Variants in INSRR observed in about 807,000 individuals in gnomAD.
INSRR encodes insulin receptor-related protein.
A neutral mutation model predicts 130.0 loss-of-function variants in INSRR; 114 were observed. That is an observed-to-expected ratio of 0.88 (90% CI 0.75 to 1.02). The LOEUF (loss-of-function observed/expected upper bound fraction) is 1.02. Among genes scored for constraint, INSRR ranks in the 50% least tolerant of loss-of-function variants. INSRR has a pLI of 0.00. For missense variants in INSRR, 1,657 were observed against 1,735.2 expected, an observed-to-expected ratio of 0.95 and a Z score of 0.80; for synonymous variants, 674 against 705.2, an observed-to-expected ratio of 0.96 and a Z score of 0.70.
At position 156,843,428 on chromosome 1, in the gene INSRR, A is replaced by C. The variant is rs539556275; in HGVS notation, c.2895T>G (p.Asp965Glu). 1.1e-5 allele frequency: 18 copies of C among 1,613,912 alleles called. No homozygotes were observed. Among genetic ancestry groups the C allele is most frequent in the Non-Finnish European group, 1.5e-5 (18 of 1,179,930 alleles). ...SVNPEYFSAS[D>E]MYVPDEWEVP... ...CTGTCCACCCACTCCCAGACCTACT[A>C]TCAGAGGCGCTGAAGTACTCTGGAT... Residue 965 changes from aspartate (D) to glutamate (E), a missense_variant and splice_region_variant, in exon 16 of 22, where the codon GAT (aspartate) becomes GAG (glutamate). Coordinates refer to ENST00000368195, the MANE Select transcript of INSRR (RefSeq NM_014215.3).
rs761108622 is a variant in INSRR, at chr1:156,846,088, C to A, written c.1842G>T (p.Thr614=). The change falls in exon 9 of 22, where the codon ACG becomes ACT. Residue 614 remains threonine, a synonymous_variant. Coordinates refer to ENST00000368195, the MANE Select transcript of INSRR (RefSeq NM_014215.3). ...APTVPQDVIS[T]SNSSSHLLVR... The stretch of plus-strand genomic sequence containing the variant: ...CCAGGAGGTGGGAGGAGGAGTTGGA[C>A]GTGGAGATGACGTCTTGGGGCACCG... 3 of 1,608,668 alleles carry A rather than the reference C, an allele frequency of 1.9e-6. No individual in the cohort carries two copies. The highest frequency in any genetic ancestry group is 2.5e-6 in the Non-Finnish European group (3 of 1,177,060).
intron 5 of INSRR, 97 bp downstream of exon 5, chr1:156,851,193 C>T (rs760987710): frequency 2.0e-5 from 29 of 1,423,252 alleles, no homozygotes; most frequent in Middle Eastern, 1.7e-4. Flanking sequence ...TAGTGAGTAG[C>T]AAAATTGGTT....
Position 156,849,399 on chromosome 1 carries a change from C to T in INSRR, c.1291G>A (p.Ala431Thr), listed in dbSNP as rs745638615. The T allele has an allele frequency of 1.2e-6, 2 of 1,611,388 alleles. No individual in the cohort carries two copies. Among genetic ancestry groups the T allele is most frequent in the African/African-American group, 2.7e-5 (2 of 74,676 alleles). ...NLQQLGSWVA[A>T]GLTIPVGKIY... ...TTGCCCACGGGAATGGTGAGCCCCG[C>T]GGCCACCCAGGACCCTAGCTGTTGT... is the stretch of plus-strand genomic sequence containing the variant. The change falls in exon 6 of 22, where the codon GCG (alanine) becomes ACG (threonine). Residue 431 changes from alanine (A) to threonine (T), a missense_variant. Coordinates refer to ENST00000368195, the MANE Select transcript of INSRR (RefSeq NM_014215.3).
intron 1 of INSRR, 123 bp downstream of exon 1, chr1:156,858,414 A>G: frequency 2.6e-6 from 2 of 758,128 alleles, no homozygotes; most frequent in African/African-American, 1.7e-5. Context: ...CCTGAGCGCT[A>G]ACCCCAACCC....
chr1:156,845,078 TG>T lies in INSRR; in HGVS notation c.2434del (p.His812ThrfsTer145). On this transcript the variant is annotated frameshift_variant, in exon 12 of 22. Transcript: ENST00000368195. LOFTEE classifies it high-confidence loss of function. ...ATFVFARTMPHREADGIPGKV... is the reference protein window; with the variant it reads ...ATFVFARTMPXREADGIPGKV... Reference sequence around the variant, plus strand: ...AGGTGTGTGTGTGGATCACCTACTGTGGGGCATGGTGCGCGCAAAGACGAAG... The same window carrying T: ...AGGTGTGTGTGTGGATCACCTACTGTGGGCATGGTGCGCGCAAAGACGAAG... 1 of 1,605,488 alleles carries T rather than the reference TG, an allele frequency of 6.2e-7. No homozygotes were observed. Among genetic ancestry groups the T allele is most frequent in the Non-Finnish European group, 8.5e-7 (1 of 1,176,718 alleles).
Position 156,841,024 on chromosome 1 carries a change from T to C in INSRR, c.3743A>G (p.Glu1248Gly), listed in dbSNP as rs761211872. 6.2e-7 allele frequency: 1 copy of C among 1,605,188 alleles called. No individual in the cohort carries two copies. The change falls in exon 22 of 22, where the codon GAG (glutamate) becomes GGG (glycine). Residue 1248 changes from glutamate (E) to glycine (G), a missense_variant. By Grantham distance (98) the Glu-to-Gly change is moderately conservative. Transcript: ENST00000368195. ...SFTHILDSIQ[E>G]ELRPSFRLLS... is the part of the protein sequence containing the mutation. ...GAGGCGGAAGGAGGGCCGCAGCTCC[T>C]CCTGTATGCTGTCCAGAATGTGTGT...
chr1:156,845,773 C>A lies in INSRR; in HGVS notation c.2020G>T (p.Gly674Cys), dbSNP rs536465147. The change falls in exon 10 of 22, where the codon GGC becomes TGC. Residue 674 changes from glycine (G) to cysteine (C), a missense_variant. By Grantham distance (159) the Gly-to-Cys change is radical (BLOSUM62 -3). Coordinates refer to ENST00000368195, the MANE Select transcript of INSRR (RefSeq NM_014215.3). The stretch of plus-strand genomic sequence containing the variant: ...TCGGCCTCAGGATCCCCGTCTTCGC[C>A]GTCGAAGCGCGGATCGTTGTTGCTG... ...PTSNNDPRFD[G>C]EDGDPEAEME... The A allele has an allele frequency of 1.2e-6, 2 of 1,613,258 alleles. No individual in the cohort carries two copies. Among genetic ancestry groups the A allele is most frequent in the South Asian group, 1.1e-5 (1 of 91,078 alleles).
At chr1:156,851,861 G>A (rs1434190992) in intron 3 of INSRR, 27 bp downstream of exon 3, 1 of 1,574,224 alleles carries the variant, frequency 6.4e-7, no homozygotes, top group Non-Finnish European at 8.6e-7. Context: ...CTGCTCCCAG[G>A]GTGCCCCCCA....
At chr1:156,851,608 A>G (rs1655210694) in intron 4 of INSRR, 38 bp downstream of exon 4, 1 of 1,613,800 alleles carries the variant, frequency 6.2e-7, no homozygotes, top group African/African-American at 1.3e-5. Flanking sequence ...GAAGGGTATG[A>G]CCAGGAGGAG....
chr1:156,853,991 G>A lies in INSRR; in HGVS notation c.398C>T (p.Ala133Val). ...CACACGCACAGCCCCACGCAGCACG[G>A]CCCCAAGTGCAGGCAGTGCCACGTC... ...LRDVALPALG[A>V]VLRGAVRVEK... The change falls in exon 2 of 22, where the codon GCC becomes GTC. Residue 133 changes from alanine to valine, a missense_variant. Transcript: ENST00000368195. The A allele has an allele frequency of 2.5e-6, 4 of 1,613,532 alleles. No homozygotes were observed. The highest frequency in any genetic ancestry group is 3.4e-6 in the Non-Finnish European group (4 of 1,179,660).
In INSRR at chr1:156,845,763, C is replaced by T; in HGVS notation, c.2030G>A (p.Gly677Glu). 1.2e-6 allele frequency: 2 copies of T among 1,613,412 alleles called. No homozygotes were observed. The highest frequency in any genetic ancestry group is 8.5e-7 in the Non-Finnish European group (1 of 1,179,954). Reference protein sequence around the residue: ...NNDPRFDGEDGDPEAEMESDC... With the variant: ...NNDPRFDGEDEDPEAEMESDC... ...GGACTCCATCTCGGCCTCAGGATCC[C>T]CGTCTTCGCCGTCGAAGCGCGGATC... Residue 677 changes from glycine to glutamate, a missense_variant, in exon 10 of 22, where the codon GGG (glycine) becomes GAG (glutamate). By Grantham distance (98) the Gly-to-Glu change is moderately conservative. Transcript: ENST00000368195.
At chr1:156,846,238 T>C in intron 8 of INSRR, 119 bp from the exon 9 acceptor site, 1 of 1,093,908 alleles carries the variant, frequency 9.1e-7, no homozygotes, top group Non-Finnish European at 1.3e-6. Flanking sequence ...TAGGTGATCC[T>C]CACCCCTGGC....
At position 156,841,263 on chromosome 1, in the gene INSRR, G is replaced by T. The variant is rs113794909; in HGVS notation, c.3662+131C>A. 6.6e-4 allele frequency: 675 copies of T among 1,028,282 alleles called. 7 individuals are homozygous for T. In the African/African-American group the frequency reaches 9.3e-3, roughly 14 times the overall value. The allele number at this position is 1,028,282 out of a possible 1,614,324, so 63.7% of individuals were successfully genotyped here. A position where few individuals can be genotyped will look rare whatever the true frequency, so the allele number is the denominator to read the frequency against. ...TGGGAGTCTTGGGGGTTTGGGATAG[G>T]GGGGTGGCGCTCATAGCTGAGGGTC... On this transcript the variant is annotated intron_variant, in intron 21 of 21. Coordinates refer to ENST00000368195, the MANE Select transcript of INSRR (RefSeq NM_014215.3).
At position 156,851,997 on chromosome 1, in the gene INSRR, C is replaced by G. The variant is rs770398033; in HGVS notation, c.832G>C (p.Glu278Gln). Residue 278 changes from glutamate to glutamine, a missense_variant, in exon 3 of 22, where the codon GAG becomes CAG. Physicochemically the swap from Glu to Gln is conservative, Grantham distance 29. Coordinates refer to ENST00000368195, the MANE Select transcript of INSRR (RefSeq NM_014215.3). The stretch of plus-strand genomic sequence containing the variant: ...ACAGAGTGCAGGCTGGCACAGCGCT[C>G]AGCTGTGACACAGCGCCAGGACTCA... ...QYESWRCVTAERCASLHSVPG... is the reference protein window; with the variant it reads ...QYESWRCVTAQRCASLHSVPG... 3 of 1,612,202 alleles carry G rather than the reference C, an allele frequency of 1.9e-6. No individual in the cohort carries two copies. Among genetic ancestry groups the G allele is most frequent in the African/African-American group, 1.3e-5 (1 of 74,922 alleles).
intron 10 of INSRR, 80 bp from the exon 11 acceptor site, chr1:156,845,493 G>A (rs1447156023): frequency 6.6e-7 from 1 of 1,505,410 alleles, no homozygotes; most frequent in South Asian, 1.3e-5. Context: ...GCCTCCAAAA[G>A]CACCCACAAC....
intron 2 of INSRR, among the ~76,000 whole-genome samples, chr1:156,853,030 T>C (rs369768616): frequency 2.6e-4 from 39 of 152,218 alleles, no homozygotes; most frequent in African/African-American, 9.1e-4. Context: ...CCTATAACGT[T>C]TTGCTTACTC....
At position 156,846,678 on chromosome 1, in the gene INSRR, G is replaced by A. The variant is rs1379792682; in HGVS notation, c.1651C>T (p.Pro551Ser). Residue 551 changes from proline to serine, a missense_variant, in exon 8 of 22, where the codon CCC becomes TCC. Physicochemically the swap from Pro to Ser is moderately conservative, Grantham distance 74. Transcript: ENST00000368195. ...CCTGGCTCCTGGGTGCGGCTTAGGG[G>A]CAGCTCCACATCCAGCAGGTTCCAG... The part of the protein sequence containing the change: ...QSWNLLDVEL[P>S]LSRTQEPGVT... 3 of 1,614,078 alleles carry A rather than the reference G, an allele frequency of 1.9e-6. No individual in the cohort carries two copies. The highest frequency in any genetic ancestry group is 2.5e-6 in the Non-Finnish European group (3 of 1,180,058).
chr1:156,851,297 C>G lies in INSRR; in HGVS notation c.1222G>C (p.Val408Leu). Residue 408 changes from valine (V) to leucine (L), a missense_variant, in exon 5 of 22, where the codon GTG (valine) becomes CTG (leucine). By Grantham distance (32) the Val-to-Leu change is conservative. Transcript: ENST00000368195. The stretch of plus-strand genomic sequence containing the variant: ...CAGAGGCCTAACCCTTACCCATCCA[C>G]CATGGCGTCTCCCCGGATTAGTTTG... ...NLKLIRGDAM[V>L]DGNYTLYVLD... 1.9e-6 allele frequency: 3 copies of G among 1,614,012 alleles called. No individual in the cohort carries two copies. Among genetic ancestry groups the G allele is most frequent in the Non-Finnish European group, 8.5e-7 (1 of 1,180,026 alleles).
intron 7 of INSRR, among the ~76,000 whole-genome samples, chr1:156,847,050 AGT>A (rs1337405086): frequency 6.6e-6 from 1 of 152,198 alleles, no homozygotes; most frequent in East Asian, 1.9e-4. Flanking sequence ...AAAACAAGAA[AGT>A]GTGTGTGAAA....
Sources: gnomAD v4.1 joint callset for allele counts (sites outside exome capture counted in the v4.1 genomes callset) on GRCh38, gnomAD v4.1.1 for gene constraint, MANE v1.5 for transcripts, NCBI Gene and HGNC (gene_info 2026-07-23, HGNC 2026-07-21) for gene names.